The following SH3GL2 variants were observed in gnomAD, a reference collection of about 807,000 sequenced individuals.
SH3GL2 encodes the protein SH3 domain containing GRB2 like 2, endophilin A1.
SH3GL2 carries 24 observed loss-of-function variants against 46.0 expected under a neutral mutation model. That is an observed-to-expected ratio of 0.52 (90% CI 0.38 to 0.73). SH3GL2 has a LOEUF of 0.73. SH3GL2 is among the 30% of genes least tolerant of loss of function. The pLI, the probability that SH3GL2 is intolerant of heterozygous loss-of-function variation, is 0.00. For synonymous variants in SH3GL2, 196 were observed against 147.1 expected (o/e 1.33, Z -2.40); for missense variants, 413 against 424.2 (o/e 0.97, Z 0.23).
At chr9:17,676,210 A>C (rs1005767318) in intron 1 of SH3GL2, among the ~76,000 whole-genome samples, 10 of 152,226 alleles carry the variant, frequency 6.6e-5, no homozygotes, top group Admixed American at 1.3e-4. Flanking sequence ...CTTAGTCTTT[A>C]GTGTCTCTTC....
chr9:17,738,575 T>TGTGTGTATATACATAC (rs1554645309), intron 1 of SH3GL2, among the ~76,000 whole-genome samples: 1 of 108,260 alleles, frequency 9.2e-6, no homozygotes, highest in African/African-American at 3.1e-5. Context: ...CATATATATA[T>TGTGTGTATATACATAC]AGAGAGAGAG....
intron 1 of SH3GL2, among the ~76,000 whole-genome samples, chr9:17,705,506 T>C (rs1207136077): frequency 6.6e-6 from 1 of 151,926 alleles, no homozygotes; most frequent in African/African-American, 2.4e-5. Context: ...GGACTTGATA[T>C]AGAAAATATG....
At chr9:17,602,603 C>A (rs1015792777) in intron 1 of SH3GL2, among the ~76,000 whole-genome samples, 2 of 151,750 alleles carry the variant, frequency 1.3e-5, no homozygotes, top group African/African-American at 2.4e-5. Flanking sequence ...GTAGACCTGG[C>A]AGTATAAAAA....
intron 1 of SH3GL2, among the ~76,000 whole-genome samples, chr9:17,583,935 A>C (rs1183959435): frequency 2.6e-5 from 4 of 152,188 alleles, no homozygotes; most frequent in Non-Finnish European, 5.9e-5. Context: ...ACTTTATCTC[A>C]GTGAGATTTT....
At chr9:17,717,295 G>A (rs1821787287) in intron 1 of SH3GL2, among the ~76,000 whole-genome samples, 1 of 152,072 alleles carries the variant, frequency 6.6e-6, no homozygotes, top group South Asian at 2.1e-4. Context: ...TTCGTATTTT[G>A]GGTATTTCTC....
At chr9:17,619,635 C>A (rs1819086462) in intron 1 of SH3GL2, among the ~76,000 whole-genome samples, 2 of 151,766 alleles carry the variant, frequency 1.3e-5, no homozygotes, top group Admixed American at 6.6e-5. Context: ...CCAAGAGTCA[C>A]CATTGCGCTC....
intron 1 of SH3GL2, among the ~76,000 whole-genome samples, chr9:17,746,838 A>G (rs989158203): frequency 6.6e-6 from 1 of 152,206 alleles, no homozygotes; most frequent in Admixed American, 6.5e-5. Context: ...AAATCAGAAG[A>G]TACAAATTTG....
intron 1 of SH3GL2, among the ~76,000 whole-genome samples, chr9:17,605,443 C>G (rs566349492): frequency 2.8e-4 from 43 of 152,216 alleles, no homozygotes; most frequent in South Asian, 4.1e-4. Context: ...AAAAATTCAT[C>G]TAGCAGGTAT....
rs149449519 is a variant in SH3GL2 at position 17,716,229 on chromosome 9, C to G, written c.46-30837C>G. Among the ~76,000 whole-genome samples the G allele has an allele frequency of 1.5e-4, 23 of 152,120 alleles. No individual in the cohort carries two copies. The East Asian group carries it at 4.5e-3, about 29-fold the overall frequency. ...CATTTGGATCTTTTATTTTTTGCTT[C>G]TTTGCAATGCCTAATAATCTTTAGT... On this transcript the variant is annotated intron_variant, in intron 1 of 8. Coordinates refer to ENST00000380607, the MANE Select transcript of SH3GL2 (RefSeq NM_003026.5).
chr9:17,760,802 C>T (rs1370497145), intron 2 of SH3GL2, among the ~76,000 whole-genome samples: 1 of 152,082 alleles, frequency 6.6e-6, no homozygotes, highest in African/African-American at 2.4e-5. Context: ...CTTCCATGAC[C>T]TCTTTCAAGT....
intron 1 of SH3GL2, among the ~76,000 whole-genome samples, chr9:17,695,587 C>G (rs1306559423): frequency 6.6e-6 from 1 of 151,760 alleles, no homozygotes; most frequent in Non-Finnish European, 1.5e-5. Flanking sequence ...TGCACTCCCT[C>G]TGTGCTCGCC....
intron 1 of SH3GL2, among the ~76,000 whole-genome samples, chr9:17,630,925 A>G (rs1819406884): frequency 6.6e-6 from 1 of 152,130 alleles, no homozygotes; most frequent in South Asian, 2.1e-4. Context: ...GACTGTAGAA[A>G]ATTAGAACCC....
chr9:17,663,601 C>T (rs79946986), intron 1 of SH3GL2, among the ~76,000 whole-genome samples: 43 of 152,238 alleles, frequency 2.8e-4, no homozygotes, highest in African/African-American at 1.0e-3. Flanking sequence ...GACTCTAGTC[C>T]GTTTCGTAGC....
At chr9:17,667,010 TGAA>T (rs914801986) in intron 1 of SH3GL2, among the ~76,000 whole-genome samples, 11 of 152,278 alleles carry the variant, frequency 7.2e-5, no homozygotes, top group African/African-American at 1.9e-4. Flanking sequence ...TGTGTTAAGT[TGAA>T]GAGTTTTCAT....
chr9:17,787,263 C>G, intron 4 of SH3GL2, 117 bp from the exon 5 acceptor site: 2 of 779,414 alleles, frequency 2.6e-6, no homozygotes, highest in Non-Finnish European at 4.3e-6. Flanking sequence ...TCTCTCTTGT[C>G]TGTTGTCTTT....
Position 17,761,306 on chromosome 9 carries a change from C to T in SH3GL2, c.115-131C>T. The stretch of plus-strand genomic sequence containing the variant: ...GCATGACTTCCAGCCGCGTCTCAGC[C>T]TCCCTCACCTACTGCGGGACTTGTC... On this transcript the variant is annotated intron_variant, in intron 2 of 8. Transcript: ENST00000380607. 4 of 668,460 alleles carry T rather than the reference C, an allele frequency of 6.0e-6. No individual in the cohort carries two copies. In the East Asian group the frequency reaches 1.1e-4, roughly 18 times the overall value. 41.4% of individuals were successfully genotyped at this position (668,460 alleles called of 1,614,324 possible).
chr9:17,760,712 T>C (rs1192447684), intron 2 of SH3GL2, among the ~76,000 whole-genome samples: 2 of 152,180 alleles, frequency 1.3e-5, no homozygotes, highest in Admixed American at 1.3e-4. Context: ...TCATTTACCA[T>C]GTAGGGCGAA....
At chr9:17,724,246 C>T (rs1008130245) in intron 1 of SH3GL2, among the ~76,000 whole-genome samples, 1 of 152,048 alleles carries the variant, frequency 6.6e-6, no homozygotes, top group Admixed American at 6.6e-5. Flanking sequence ...CATTCTTTTG[C>T]CCATGCAAAT....
chr9:17,733,707 C>G (rs1316522077), intron 1 of SH3GL2, among the ~76,000 whole-genome samples: 1 of 152,050 alleles, frequency 6.6e-6, no homozygotes, highest in Non-Finnish European at 1.5e-5. Flanking sequence ...ATAGCAAAGA[C>G]TTGGAACCAA....
Sources: allele counts gnomAD v4.1 joint callset (sites outside exome capture counted in the v4.1 genomes callset), GRCh38; gene constraint gnomAD v4.1.1; transcripts MANE v1.5; gene names NCBI Gene and HGNC (gene_info 2026-07-23, HGNC 2026-07-21).